NTRK1: variants seen among roughly 807,000 people sequenced by gnomAD.
NTRK1 encodes the protein neurotrophic receptor tyrosine kinase 1, also known as high affinity nerve growth factor receptor.
NTRK1 carries 62 observed loss-of-function variants against 86.8 expected under a neutral mutation model. That is an observed-to-expected ratio of 0.71 (90% CI 0.58 to 0.88). The LOEUF (loss-of-function observed/expected upper bound fraction) is 0.88. Among genes scored for constraint, NTRK1 ranks in the 40% least tolerant of loss-of-function variants. The pLI is 0.00. For synonymous variants in NTRK1, 469 were observed against 456.6 expected, an observed-to-expected ratio of 1.03 and a Z score of -0.35; for missense variants, 967 against 1,078.4, an observed-to-expected ratio of 0.90 and a Z score of 1.45.
intron 2 of NTRK1, chr1:156,848,877 T>C (rs1011512878): frequency 1.9e-6 from 3 of 1,539,902 alleles, no homozygotes; most frequent in South Asian, 1.2e-5. Context: ...GAAATTGGCC[T>C]CGTCCGGTCC....
intron 1 of NTRK1, chr1:156,816,043 A>T: frequency 1.2e-6 from 2 of 1,614,006 alleles, no homozygotes; most frequent in African/African-American, 1.3e-5. Flanking sequence ...CCTGCGGGTC[A>T]TGTCTGTGAT....
intron 1 of NTRK1, chr1:156,837,282 A>C (rs1654619595): frequency 1.3e-5 from 2 of 152,478 alleles, no homozygotes; most frequent in African/African-American, 4.8e-5. Flanking sequence ...TCAGCTTTGC[A>C]TCCAGGGTCC....
intron 15 of NTRK1, 149 bp downstream of exon 15, chr1:156,879,511 T>C (rs773993820): frequency 1.5e-3 from 1,595 of 1,073,278 alleles, no homozygotes; most frequent in Non-Finnish European, 1.9e-3. Context: ...CCTCGGCTCC[T>C]GGTGGAGGGG....
chr1:156,845,663 C>T (rs776488159), intron 2 of NTRK1: 10 of 1,610,474 alleles, frequency 6.2e-6, no homozygotes, highest in South Asian at 5.5e-5. Flanking sequence ...CAAACTTCTT[C>T]TGGAACGAGG....
intron 2 of NTRK1, chr1:156,851,747 C>T: frequency 6.2e-7 from 1 of 1,614,136 alleles, no homozygotes. Flanking sequence ...GCCTACCTTG[C>T]ACTCTTTAGG....
chr1:156,874,751 C>T (rs2102911070), intron 10 of NTRK1, 125 bp downstream of exon 10: 1 of 1,219,054 alleles, frequency 8.2e-7, no homozygotes, highest in Non-Finnish European at 1.2e-6. Flanking sequence ...CTGACGGCCA[C>T]CCGCACAGCC....
rs1323232384 is a variant in NTRK1 at position 156,873,791 on chromosome 1, G to A, written c.1009G>A (p.Ala337Thr). 6.2e-7 allele frequency: 1 copy of A among 1,613,334 alleles called. No homozygotes were observed. The highest frequency in any genetic ancestry group is 8.5e-7 in the Non-Finnish European group (1 of 1,179,752). Residue 337 changes from alanine (A) to threonine (T), a missense_variant, in exon 8 of 17, where the codon GCC becomes ACC. By Grantham distance (58) the Ala-to-Thr change is moderately conservative. Around this residue, in one of 2 missense-constraint regions of NTRK1, gnomAD observed 637 missense variants for 776.5 expected, o/e 0.82. Transcript: ENST00000524377. Reference protein sequence around the residue: ...FIFTEFLEPAANETVRHGCLR... With the variant: ...FIFTEFLEPATNETVRHGCLR... The stretch of plus-strand genomic sequence containing the variant: ...CTTCACTGAGTTCCTGGAGCCGGCA[G>A]CCAATGAGACCGTGCGGCACGGGTG...
At chr1:156,862,567 G>A (rs1294277327) in intron 1 of NTRK1, among the ~76,000 whole-genome samples, 2 of 152,130 alleles carry the variant, frequency 1.3e-5, no homozygotes, top group Non-Finnish European at 2.9e-5. Flanking sequence ...ATGTCCCCCT[G>A]GGTGGGGCTG....
At chr1:156,857,840 G>C (rs1417971320), upstream of NTRK1, among the ~76,000 whole-genome samples, 1 of 152,142 alleles carries the variant, frequency 6.6e-6, no homozygotes, top group African/African-American at 2.4e-5. Flanking sequence ...CCTTTTTGAA[G>C]CTTCCACCCT....
chr1:156,846,864 G>C lies in NTRK1; in HGVS notation c.50+4671G>C, dbSNP rs562178832. The C allele has an allele frequency of 3.1e-4, 288 of 924,058 alleles. No individual in the cohort carries two copies. In the African/African-American group the frequency reaches 4.3e-3, roughly 14 times the overall value. 57.2% of individuals were successfully genotyped at this position (924,058 alleles called of 1,614,324 possible). ...CTGTCATTGTCCTTCCAGTATGCAT[G>C]AGGGCAAAGCCATGACTCCAGCCAC... On this transcript the variant is annotated intron_variant, in intron 2 of 16. Transcript: ENST00000392302.
intron 1 of NTRK1, among the ~76,000 whole-genome samples, chr1:156,826,291 C>CTCT (rs1558075443): frequency 1.6e-5 from 1 of 64,106 alleles, no homozygotes; most frequent in East Asian, 6.7e-4. Flanking sequence ...TAGACTTGAG[C>CTCT]TCTTTTTTTT....
chr1:156,879,574 C>T (rs920679216), intron 15 of NTRK1, among the ~76,000 whole-genome samples: 1 of 152,132 alleles, frequency 6.6e-6, no homozygotes, highest in African/African-American at 2.4e-5. Flanking sequence ...GTTTTTGCCT[C>T]TTAGACCTGA....
intron 1 of NTRK1, among the ~76,000 whole-genome samples, chr1:156,819,987 A>AT (rs1339000050): frequency 6.6e-6 from 1 of 151,772 alleles, no homozygotes; most frequent in Non-Finnish European, 1.5e-5. Flanking sequence ...TTAGTTCCCC[A>AT]TCTATTTATT....
intron 2 of NTRK1, among the ~76,000 whole-genome samples, chr1:156,850,170 A>G (rs182422486): frequency 3.3e-5 from 5 of 152,056 alleles, no homozygotes; most frequent in Admixed American, 2.6e-4. Context: ...CCAAAGTGCT[A>G]GGATTACAGG....
intron 7 of NTRK1, 41 bp from the exon 8 acceptor site, chr1:156,873,592 C>T (rs1647695442): frequency 6.4e-7 from 1 of 1,572,480 alleles, no homozygotes; most frequent in African/African-American, 1.3e-5. Flanking sequence ...CTCCCTCCAG[C>T]TGCGCCCTGA....
intron 6 of NTRK1, among the ~76,000 whole-genome samples, chr1:156,869,734 A>G (rs912584176): frequency 1.3e-5 from 2 of 152,202 alleles, no homozygotes; most frequent in African/African-American, 4.8e-5. Flanking sequence ...ACATCTTCCC[A>G]GGCCTTACCC....
intron 1 of NTRK1, 88 bp from the exon 2 acceptor site, chr1:156,864,266 G>A: frequency 8.0e-7 from 1 of 1,243,874 alleles, no homozygotes; most frequent in Non-Finnish European, 1.2e-6. Context: ...TGTGGCATGT[G>A]CATGTGTATT....
chr1:156,864,031 T>C (rs1655808205), intron 1 of NTRK1, among the ~76,000 whole-genome samples: 1 of 152,114 alleles, frequency 6.6e-6, no homozygotes, highest in African/African-American at 2.4e-5. Flanking sequence ...TATGCCTCTG[T>C]GTGTGCGCAT....
intron 1 of NTRK1, chr1:156,817,000 C>T: frequency 3.1e-6 from 1 of 323,546 alleles, no homozygotes; most frequent in East Asian, 4.8e-5. Flanking sequence ...GACCTTCATC[C>T]CTCCAGATTC....
Sources: gnomAD v4.1 joint callset for allele counts (sites outside exome capture counted in the v4.1 genomes callset) on GRCh38, gnomAD v4.1.1 for gene constraint, gnomAD v4.1.1 regional missense constraint, MANE v1.5 for transcripts, NCBI Gene and HGNC (gene_info 2026-07-23, HGNC 2026-07-21) for gene names.